KALRN: variants seen among roughly 807,000 people sequenced by gnomAD.
The protein encoded by KALRN is kalirin RhoGEF kinase, also known as kalirin.
Under a neutral mutation model 353.7 loss-of-function variants are expected in KALRN, and 70 were observed. That is an observed-to-expected ratio of 0.20 (90% confidence interval 0.16 to 0.24). The LOEUF (loss-of-function observed/expected upper bound fraction) is 0.24, where lower values mean the gene tolerates loss of function less well. KALRN is among the 10% of genes least tolerant of loss of function. The probability of loss-of-function intolerance (pLI) is 1.00; values close to 1 mark genes in which losing one functional copy is unlikely to be tolerated. For synonymous variants in KALRN, 1,391 were observed against 1,434.8 expected (o/e 0.97, Z 0.69); for missense variants, 2,791 against 3,756.7 (o/e 0.74, Z 6.72).
At chr3:124,548,536 G>A (rs1468799800) in intron 33 of KALRN, among the ~76,000 whole-genome samples, 1 of 152,190 alleles carries the variant, frequency 6.6e-6, no homozygotes, top group Non-Finnish European at 1.5e-5. Flanking sequence ...CATTCAGCAG[G>A]AAAATGGGAC....
chr3:124,424,969 C>A (rs2092950150), intron 15 of KALRN, among the ~76,000 whole-genome samples: 1 of 152,132 alleles, frequency 6.6e-6, no homozygotes, highest in Non-Finnish European at 1.5e-5. Context: ...TCTGCTGGCC[C>A]CCACTCTTGC....
At chr3:124,518,478 T>G in intron 33 of KALRN, 7 of 1,614,014 alleles carry the variant, frequency 4.3e-6, no homozygotes, top group Non-Finnish European at 5.9e-6. Context: ...ATCCTGGGAC[T>G]TGTCCCTGCA....
At chr3:124,516,376 G>A (rs1442470204) in intron 33 of KALRN, among the ~76,000 whole-genome samples, 1 of 152,134 alleles carries the variant, frequency 6.6e-6, no homozygotes, top group Non-Finnish European at 1.5e-5. Flanking sequence ...GCAAAATGAG[G>A]GCAATGGTAT....
intron 10 of KALRN, among the ~76,000 whole-genome samples, chr3:124,362,021 A>C (rs1318184271): frequency 2.6e-5 from 4 of 152,034 alleles, no homozygotes; most frequent in African/African-American, 7.2e-5. Context: ...CCATGAGGCA[A>C]GTACTTCCTG....
chr3:124,266,103 A>C (rs1277401688), intron 4 of KALRN, among the ~76,000 whole-genome samples: 1 of 152,232 alleles, frequency 6.6e-6, no homozygotes, highest in Non-Finnish European at 1.5e-5. Flanking sequence ...TGACAGAGCG[A>C]AACTCCTCAA....
At position 124,490,724 on chromosome 3, in the gene KALRN, A is replaced by G; in HGVS notation, c.4427A>G (p.Glu1476Gly). Residue 1476 changes from glutamate (E) to glycine (G), a missense_variant, in exon 30 of 60, where the codon GAG becomes GGG. Physicochemically the swap from Glu to Gly is moderately conservative, Grantham distance 98. Around this residue, in one of 11 missense-constraint regions of KALRN, gnomAD observed 239 missense variants for 351.3 expected, o/e 0.68. Transcript: ENST00000682506. ...GACGAGAACCTGGATGTGCAGGGGG[A>G]GTTGATTCTCCAGGATGCCTTTCAA... ...GFDENLDVQG[E>G]LILQDAFQVW... 2 of 1,613,144 alleles carry G rather than the reference A, an allele frequency of 1.2e-6. No homozygotes were observed. Among genetic ancestry groups the G allele is most frequent in the Non-Finnish European group, 1.7e-6 (2 of 1,179,748 alleles).
chr3:124,078,316 TG>T (rs148611619), intron 1 of KALRN, among the ~76,000 whole-genome samples: 2,552 of 152,350 alleles, frequency 0.017, 41 homozygotes, highest in Non-Finnish European at 0.025. Flanking sequence ...GTTTGTGGAA[TG>T]GATATTTACC....
intron 15 of KALRN, 145 bp downstream of exon 15, chr3:124,423,123 C>A: frequency 1.5e-6 from 1 of 672,698 alleles, no homozygotes; most frequent in South Asian, 2.3e-5. Flanking sequence ...AAGTTAAGGA[C>A]TACTTGTATT....
chr3:124,293,774 C>A (rs77723733), intron 5 of KALRN, among the ~76,000 whole-genome samples: 6,549 of 152,228 alleles, frequency 0.043, 216 homozygotes, highest in Non-Finnish European at 0.069. Context: ...TTACACTTTG[C>A]TGAACTCACC....
intron 1 of KALRN, among the ~76,000 whole-genome samples, chr3:124,160,604 GA>G (rs2069774721): frequency 6.6e-6 from 1 of 152,016 alleles, no homozygotes; most frequent in Non-Finnish European, 1.5e-5. Flanking sequence ...AGGCAGCTCT[GA>G]CTATCTGTCA....
chr3:124,047,468 T>G (rs533407511), intron 1 of KALRN, among the ~76,000 whole-genome samples: 1 of 151,776 alleles, frequency 6.6e-6, no homozygotes, highest in South Asian at 2.1e-4. Context: ...GAGACTCAAT[T>G]TTAGGTATAC....
chr3:124,637,233 A>C lies in KALRN; in HGVS notation c.5594A>C (p.Gln1865Pro). The C allele has an allele frequency of 6.2e-7, 1 of 1,614,126 alleles. No individual in the cohort carries two copies. The highest frequency in any genetic ancestry group is 8.5e-7 in the Non-Finnish European group (1 of 1,180,002). Reference sequence around the variant, plus strand: ...TCCTCCTCTTTGCTAGCAGCCCGGCAGGCTTCCACTGAAGTACCTACTGCT... The same window carrying C: ...TCCTCCTCTTTGCTAGCAGCCCGGCCGGCTTCCACTGAAGTACCTACTGCT... ...EMSSSLLAARQASTEVPTAAD... is the reference protein window; with the variant it reads ...EMSSSLLAARPASTEVPTAAD... Residue 1865 changes from glutamine to proline, a missense_variant, in exon 37 of 60, where the codon CAG (glutamine) becomes CCG (proline). By Grantham distance (76) the Gln-to-Pro change is moderately conservative. Transcript: ENST00000682506.
chr3:124,462,016 C>T (rs2059908672), intron 24 of KALRN, 60 bp downstream of exon 24: 3 of 1,271,512 alleles, frequency 2.4e-6, no homozygotes, highest in Non-Finnish European at 3.4e-6. Flanking sequence ...TTGCCAGCAT[C>T]AAGTCCTCAA....
At chr3:124,616,413 C>T (rs2078603061) in intron 34 of KALRN, among the ~76,000 whole-genome samples, 2 of 152,182 alleles carry the variant, frequency 1.3e-5, no homozygotes, top group African/African-American at 4.8e-5. Flanking sequence ...CAACTTAGCT[C>T]CTACTTTGGC....
chr3:124,146,852 G>A, intron 1 of KALRN, among the ~76,000 whole-genome samples: 1 of 107,648 alleles, frequency 9.3e-6, no homozygotes, highest in South Asian at 3.3e-4. Flanking sequence ...ACTCCAGCCT[G>A]GGCAATAGAG....
chr3:124,119,652 A>G (rs2149577598), intron 1 of KALRN, among the ~76,000 whole-genome samples: 1 of 152,296 alleles, frequency 6.6e-6, no homozygotes. Flanking sequence ...GATCATTCAG[A>G]TCGGGTAGGA....
At chr3:124,207,827 C>T (rs964737147) in intron 1 of KALRN, among the ~76,000 whole-genome samples, 1 of 152,214 alleles carries the variant, frequency 6.6e-6, no homozygotes, top group African/African-American at 2.4e-5. Flanking sequence ...CAAGCATCTA[C>T]CACAAAGTCC....
rs764256452 is a variant in KALRN at position 124,655,691 on chromosome 3, T to A, written c.5862+24T>A. 4 of 1,599,352 alleles carry A rather than the reference T, an allele frequency of 2.5e-6. No homozygotes were observed. In the Admixed American group the frequency reaches 6.7e-5, roughly 27 times the overall value. On this transcript the variant is annotated intron_variant, in intron 39 of 59. Transcript: ENST00000682506. ...AGGTAAGTAGAGGGTTCCAGGTGGG[T>A]CTGTGGTCACCCAACCAGGAGCACG...
intron 11 of KALRN, among the ~76,000 whole-genome samples, chr3:124,388,628 A>T (rs2088818764): frequency 6.6e-6 from 1 of 152,224 alleles, no homozygotes; most frequent in African/African-American, 2.4e-5. Flanking sequence ...AGTCCCTTCA[A>T]TCACATTTTA....
Sources: allele counts gnomAD v4.1 joint callset (sites outside exome capture counted in the v4.1 genomes callset), GRCh38; gene constraint gnomAD v4.1.1; regional missense constraint gnomAD v4.1.1; transcripts MANE v1.5; gene names NCBI Gene and HGNC (gene_info 2026-07-23, HGNC 2026-07-21).